The following TPD52 variants were observed in gnomAD, a reference collection of about 807,000 sequenced individuals.
TPD52 encodes the protein prostate and colon associated protein.
In TPD52, 17 loss-of-function variants were observed where a neutral mutation model predicts 31.3. The observed-to-expected ratio is 0.54, with a 90% CI of 0.37 to 0.82. The LOEUF (loss-of-function observed/expected upper bound fraction) is 0.82, where lower values mean the gene tolerates loss of function less well. Ranked by LOEUF, TPD52 falls within the 40% of genes least tolerant of loss-of-function variation. The pLI is 0.00. For missense variants in TPD52, 212 were observed against 240.1 expected (o/e 0.88, Z 0.77); for synonymous variants, 83 against 89.6 (o/e 0.93, Z 0.42).
In TPD52 at chr8:80,060,973, G is replaced by C. The variant is rs369308887; in HGVS notation, c.135+3505C>G. Among the ~76,000 whole-genome samples, 65 of 152,180 alleles carry C rather than the reference G, an allele frequency of 4.3e-4. 1 individual carries two copies. The East Asian group carries it at 7.9e-3, about 19-fold the overall frequency. On this transcript the variant is annotated intron_variant, in intron 2 of 7. Transcript: ENST00000518937. The stretch of plus-strand genomic sequence containing the variant: ...CTGAAGAGTTTAGCCAAAGCAGTTA[G>C]ACAAGAAAAATAAATTAAAGGCATT...
At chr8:80,064,921 A>T in intron 1 of TPD52, 1 of 486,154 alleles carries the variant, frequency 2.1e-6, no homozygotes, top group Non-Finnish European at 3.9e-6. Context: ...AAATTGCTGC[A>T]AAAGTAAATC....
chr8:80,171,489 A>AGCCCGTCCCGGCTCGGATC lies in TPD52; in HGVS notation c.-65_-47dup. On this transcript the variant is annotated 5_prime_UTR_variant, in exon 1 of 8. Coordinates refer to ENST00000518937, the MANE Select transcript of TPD52 (RefSeq NM_001025253.3). ...TGTCCTCTGCAGCACCCCCGCCTGCAGCCCGTCCCGGCTCGGATCGCCCGC... is the reference window on the plus strand; with the variant it reads ...TGTCCTCTGCAGCACCCCCGCCTGCAGCCCGTCCCGGCTCGGATCGCCCGTCCCGGCTCGGATCGCCCGC... The AGCCCGTCCCGGCTCGGATC allele has an allele frequency of 6.5e-7, 1 of 1,547,536 alleles. No individual in the cohort carries two copies. Among genetic ancestry groups the AGCCCGTCCCGGCTCGGATC allele is most frequent in the South Asian group, 1.2e-5 (1 of 85,216 alleles).
intron 1 of TPD52, among the ~76,000 whole-genome samples, chr8:80,155,844 T>C (rs1810929076): frequency 6.6e-6 from 1 of 150,718 alleles, no homozygotes; most frequent in Non-Finnish European, 1.5e-5. Flanking sequence ...GATTGTGCCA[T>C]TGCACTCTAG....
rs117681140 is a variant in TPD52, at chr8:80,059,011, A to G, written c.135+5467T>C. 6.6e-3 allele frequency among the ~76,000 whole-genome samples: 999 copies of G among 152,304 alleles called. 6 individuals carry two copies. The highest frequency in any genetic ancestry group is 0.01 in the Admixed American group (157 of 15,290). On this transcript the variant is annotated intron_variant, in intron 2 of 7. Coordinates refer to ENST00000518937, the MANE Select transcript of TPD52 (RefSeq NM_001025253.3). The stretch of plus-strand genomic sequence containing the variant: ...GAACAGCTCACCCCAAATTAGTAGA[A>G]ATACACTGTTCTCAAATGCACATGA...
intron 1 of TPD52, among the ~76,000 whole-genome samples, chr8:80,140,572 G>T (rs1809758705): frequency 6.6e-6 from 1 of 152,124 alleles, no homozygotes; most frequent in African/African-American, 2.4e-5. Flanking sequence ...AACGGTTAAG[G>T]CTTCCTTGTA....
intron 1 of TPD52, among the ~76,000 whole-genome samples, chr8:80,164,898 CAAAAAAAAAA>C (rs34027501): frequency 0.056 from 1,783 of 32,000 alleles, 43 homozygotes; most frequent in African/African-American, 0.18. Context: ...GACAATGTCT[CAAAAAAAAAA>C]AAAAAAAAAA....
intron 1 of TPD52, among the ~76,000 whole-genome samples, chr8:80,069,238 AG>A: frequency 6.7e-6 from 1 of 150,090 alleles, no homozygotes; most frequent in East Asian, 2.0e-4. Flanking sequence ...CCAAGGTGGG[AG>A]GATCACTTGA....
At chr8:80,041,722 T>C (rs1366336992) in intron 7 of TPD52, among the ~76,000 whole-genome samples, 1 of 150,038 alleles carries the variant, frequency 6.7e-6, no homozygotes, top group Non-Finnish European at 1.5e-5. Context: ...CAGTGAATCA[T>C]AAACGATCAT....
chr8:80,150,400 C>CA (rs1192341184), intron 1 of TPD52, among the ~76,000 whole-genome samples: 6 of 152,200 alleles, frequency 3.9e-5, no homozygotes, highest in Non-Finnish European at 7.3e-5. Flanking sequence ...GAGCCCCTAC[C>CA]AGAGTCCCCA....
At chr8:80,077,189 C>T (rs972404692) in intron 1 of TPD52, among the ~76,000 whole-genome samples, 8 of 151,240 alleles carry the variant, frequency 5.3e-5, no homozygotes, top group African/African-American at 1.9e-4. Flanking sequence ...GCAGAAGAAT[C>T]GCTTAAACCC....
intron 1 of TPD52, among the ~76,000 whole-genome samples, chr8:80,082,409 AG>A (rs1315584243): frequency 1.3e-5 from 2 of 152,206 alleles, no homozygotes; most frequent in Admixed American, 6.5e-5. Flanking sequence ...AAATATTGGT[AG>A]AAAAAGTATT....
intron 1 of TPD52, among the ~76,000 whole-genome samples, chr8:80,155,111 C>T (rs1293689213): frequency 6.6e-6 from 1 of 151,864 alleles, no homozygotes; most frequent in African/African-American, 2.4e-5. Flanking sequence ...GATCCTCCTG[C>T]CTCAGCCTCC....
chr8:80,125,276 T>C (rs1808522881), intron 1 of TPD52, among the ~76,000 whole-genome samples: 1 of 152,140 alleles, frequency 6.6e-6, no homozygotes, highest in Non-Finnish European at 1.5e-5. Flanking sequence ...TTGGAGAGAC[T>C]AGCCTAACCA....
At chr8:80,167,810 TAA>T (rs1345512513) in intron 1 of TPD52, among the ~76,000 whole-genome samples, 1 of 152,214 alleles carries the variant, frequency 6.6e-6, no homozygotes, top group Non-Finnish European at 1.5e-5. Flanking sequence ...CTTAAAATTA[TAA>T]AGTTGTTTTG....
At chr8:80,117,730 CTTTCTTTTTTTTTT>C (rs1259908229) in intron 1 of TPD52, among the ~76,000 whole-genome samples, 2 of 99,862 alleles carry the variant, frequency 2.0e-5, no homozygotes, top group Non-Finnish European at 3.7e-5. Flanking sequence ...CTTTTTTTTT[CTTTCTTTTTTTTTT>C]TTTTTTGAGA....
chr8:80,151,679 G>C (rs1810576301), intron 1 of TPD52, among the ~76,000 whole-genome samples: 2 of 152,168 alleles, frequency 1.3e-5, no homozygotes, highest in South Asian at 2.1e-4. Flanking sequence ...GAAGTAACTT[G>C]TTGTTAACCA....
At position 80,035,578 on chromosome 8, in the gene TPD52, C is replaced by G. The variant is rs945992396; in HGVS notation, c.*2538G>C. 2 of 152,166 alleles carry G rather than the reference C, an allele frequency of 1.3e-5. No homozygotes were observed. Among genetic ancestry groups the G allele is most frequent in the Non-Finnish European group, 2.9e-5 (2 of 68,026 alleles). The allele number at this position is 152,166 out of a possible 1,614,324, so 9.4% of individuals were successfully genotyped here. On this transcript the variant is annotated 3_prime_UTR_variant, in exon 8 of 8. Transcript: ENST00000518937. ...ATAGACTGTGCATATCTTAACAGAT[C>G]CAGATCCAAATTAAATACTTTTTTT...
At chr8:80,105,664 TG>T (rs1463046385) in intron 1 of TPD52, among the ~76,000 whole-genome samples, 1 of 151,954 alleles carries the variant, frequency 6.6e-6, no homozygotes, top group Non-Finnish European at 1.5e-5. Flanking sequence ...ACAAACCTTC[TG>T]GACTTAAGCA....
intron 1 of TPD52, among the ~76,000 whole-genome samples, chr8:80,085,934 T>C (rs1192759426): frequency 6.6e-6 from 1 of 152,020 alleles, no homozygotes; most frequent in African/African-American, 2.4e-5. Context: ...CCACCCTGAC[T>C]GAAGGATAGA....
Sources: allele counts gnomAD v4.1 joint callset (sites outside exome capture counted in the v4.1 genomes callset), GRCh38; gene constraint gnomAD v4.1.1; transcripts MANE v1.5; gene names NCBI Gene and HGNC (gene_info 2026-07-23, HGNC 2026-07-21).